The following COBLL1 variants were observed in gnomAD, a reference collection of about 807,000 sequenced individuals.
The protein encoded by COBLL1 is cordon-bleu protein-like 1.
In COBLL1, 50 loss-of-function variants were observed where a neutral mutation model predicts 94.8. The observed-to-expected ratio is 0.53, with a 90% CI of 0.42 to 0.67. The LOEUF (loss-of-function observed/expected upper bound fraction) is 0.67, where lower values mean the gene tolerates loss of function less well. Among genes scored for constraint, COBLL1 ranks in the 30% least tolerant of loss-of-function variants. COBLL1 has a pLI of 0.00. For synonymous variants in COBLL1, 448 were observed against 473.8 expected, an observed-to-expected ratio of 0.95 and a Z score of 0.71; for missense variants, 1,362 against 1,348.7, an observed-to-expected ratio of 1.01 and a Z score of -0.15.
intron 3 of COBLL1, among the ~76,000 whole-genome samples, chr2:164,732,077 G>GTATGT (rs1686044045): frequency 6.6e-6 from 1 of 152,100 alleles, no homozygotes; most frequent in Admixed American, 6.5e-5. Flanking sequence ...GGGATAAGGA[G>GTATGT]TATGTTTCTC....
intron 2 of COBLL1, among the ~76,000 whole-genome samples, chr2:164,784,199 TAA>T (rs1315948741): frequency 1.3e-5 from 2 of 152,236 alleles, no homozygotes; most frequent in East Asian, 1.9e-4. Flanking sequence ...TCATTCACAT[TAA>T]GTTTTCATTT....
intron 2 of COBLL1, among the ~76,000 whole-genome samples, chr2:164,781,550 CAT>C (rs1688726107): frequency 1.3e-5 from 2 of 152,150 alleles, no homozygotes; most frequent in Admixed American, 6.5e-5. Context: ...TCCACAGACA[CAT>C]ATCTTTATGG....
intron 2 of COBLL1, among the ~76,000 whole-genome samples, chr2:164,775,318 T>C (rs1688413806): frequency 6.6e-6 from 1 of 152,174 alleles, no homozygotes; most frequent in African/African-American, 2.4e-5. Context: ...ACAGCATTCT[T>C]CTGTAATCTT....
At chr2:164,776,419 T>C (rs1368640183) in intron 2 of COBLL1, among the ~76,000 whole-genome samples, 1 of 152,136 alleles carries the variant, frequency 6.6e-6, no homozygotes, top group Non-Finnish European at 1.5e-5. Flanking sequence ...GCTTTGCCAC[T>C]ACTGTTCCTT....
At chr2:164,665,330 CAAAA>C (rs11441643) in intron 2 of COBLL1, among the ~76,000 whole-genome samples, 1 of 121,832 alleles carries the variant, frequency 8.2e-6, no homozygotes, top group African/African-American at 3.1e-5. Flanking sequence ...GATTCTGTGT[CAAAA>C]AAAAAAAGAA....
intron 2 of COBLL1, chr2:164,773,691 C>A (rs355863): frequency 0.11 from 121,019 of 1,094,462 alleles, 7,035 homozygotes; most frequent in Middle Eastern, 0.16. Flanking sequence ...AAGTTTTACA[C>A]AACGTATTTA....
chr2:164,699,270 A>T (rs943824376), intron 11 of COBLL1, 135 bp downstream of exon 11: 2 of 659,358 alleles, frequency 3.0e-6, no homozygotes, highest in African/African-American at 3.6e-5. Context: ...AATAGTACCC[A>T]TAATATCCAT....
intron 11 of COBLL1, chr2:164,697,396 C>T (rs1441887498): frequency 1.3e-5 from 2 of 152,250 alleles, no homozygotes; most frequent in South Asian, 2.1e-4. Context: ...AGAAGAGGCA[C>T]ATTTCTGCCT....
chr2:164,779,851 G>T (rs989283660), intron 2 of COBLL1: 1 of 423,818 alleles, frequency 2.4e-6, no homozygotes, highest in Non-Finnish European at 4.9e-6. Context: ...TTAAAGGGAG[G>T]GTAGGGAATG....
At chr2:164,736,823 G>C (rs927536426) in intron 3 of COBLL1, among the ~76,000 whole-genome samples, 5 of 152,070 alleles carry the variant, frequency 3.3e-5, no homozygotes, top group African/African-American at 1.2e-4. Flanking sequence ...TAAAAAAGAA[G>C]TGCACATATA....
chr2:164,756,733 C>T (rs1390029056), intron 2 of COBLL1, among the ~76,000 whole-genome samples: 2 of 151,964 alleles, frequency 1.3e-5, no homozygotes, highest in Non-Finnish European at 2.9e-5. Context: ...AACATTAATG[C>T]ATTCCAGAAA....
At chr2:164,797,133 G>A (rs899273512) in intron 2 of COBLL1, among the ~76,000 whole-genome samples, 5 of 152,102 alleles carry the variant, frequency 3.3e-5, no homozygotes, top group African/African-American at 1.2e-4. Flanking sequence ...TATTATTTCT[G>A]GGACCTTTGT....
rs141018512 is a variant in COBLL1 at position 164,703,191 on chromosome 2, C to T, written c.1225+1253G>A. On this transcript the variant is annotated intron_variant, in intron 9 of 13. Transcript: ENST00000652658. ...ATCAGTTTGGGCGCAGTGCACTGCT[C>T]CTGACTGGAAAGCCCAGGGTGAAAG... 2.4e-5 allele frequency: 39 copies of T among 1,613,376 alleles called. No homozygotes were observed. In the African/African-American group the frequency reaches 4.8e-4, roughly 20 times the overall value.
intron 13 of COBLL1, among the ~76,000 whole-genome samples, chr2:164,690,133 A>G (rs1005285479): frequency 6.6e-6 from 1 of 152,148 alleles, no homozygotes; most frequent in African/African-American, 2.4e-5. Flanking sequence ...TATTCCCTGA[A>G]CATTCTTATG....
At chr2:164,805,323 C>CTATATATATATATA (rs1559033361) in intron 2 of COBLL1, among the ~76,000 whole-genome samples, 1 of 33,686 alleles carries the variant, frequency 3.0e-5, no homozygotes, top group African/African-American at 1.2e-4. Flanking sequence ...CTCTCTCTCT[C>CTATATATATATATA]TCTCTCTCTC....
intron 1 of COBLL1, among the ~76,000 whole-genome samples, chr2:164,671,701 G>A (rs1023043917): frequency 9.2e-5 from 14 of 152,122 alleles, no homozygotes; most frequent in African/African-American, 2.9e-4. Flanking sequence ...CAATGGAATC[G>A]GTTACTGAAG....
At chr2:164,667,939 C>T (rs751453338) in intron 1 of COBLL1, among the ~76,000 whole-genome samples, 1 of 150,846 alleles carries the variant, frequency 6.6e-6, no homozygotes, top group South Asian at 2.1e-4. Flanking sequence ...AAGCCTGTCT[C>T]GGCTTTCTTT....
At chr2:164,727,037 A>C in intron 5 of COBLL1, 1 of 805,148 alleles carries the variant, frequency 1.2e-6, no homozygotes, top group South Asian at 2.0e-5. Context: ...AAAGGGTAAA[A>C]TTAGAAGCTT....
downstream of COBLL1, among the ~76,000 whole-genome samples, chr2:164,679,386 T>C (rs1261733455): frequency 6.6e-6 from 1 of 152,110 alleles, no homozygotes; most frequent in Admixed American, 6.5e-5. Context: ...GAGATAAGGT[T>C]ACAAAGATTA....
Sources: gnomAD v4.1 joint callset for allele counts (sites outside exome capture counted in the v4.1 genomes callset) on GRCh38, gnomAD v4.1.1 for gene constraint, MANE v1.5 for transcripts, NCBI Gene and HGNC (gene_info 2026-07-23, HGNC 2026-07-21) for gene names.